MCU: variants seen among roughly 807,000 people sequenced by gnomAD.
MCU encodes the protein calcium uniporter protein, mitochondrial.
MCU carries 12 observed loss-of-function variants against 45.2 expected under a neutral mutation model. That is an observed-to-expected ratio of 0.27 (90% CI 0.17 to 0.43). MCU has a LOEUF of 0.43. Among genes scored for constraint, MCU ranks in the 20% least tolerant of loss-of-function variants. The pLI, the probability that MCU is intolerant of heterozygous loss-of-function variation, is 1.00. For missense variants in MCU, 324 were observed against 436.7 expected (o/e 0.74, Z 2.30); for synonymous variants, 160 against 165.1 (o/e 0.97, Z 0.24).
At chr10:72,711,045 G>A (rs964109258) in intron 1 of MCU, among the ~76,000 whole-genome samples, 1 of 151,870 alleles carries the variant, frequency 6.6e-6, no homozygotes, top group Non-Finnish European at 1.5e-5. Context: ...TGGGCATGGT[G>A]GTGGGCGCCT....
At chr10:72,741,158 G>C (rs1164997171) in intron 1 of MCU, among the ~76,000 whole-genome samples, 1 of 149,142 alleles carries the variant, frequency 6.7e-6, no homozygotes, top group East Asian at 2.0e-4. Context: ...GGAGTGCAGT[G>C]GCACGATCTC....
At chr10:72,740,568 T>G (rs1304299108) in intron 1 of MCU, among the ~76,000 whole-genome samples, 1 of 152,254 alleles carries the variant, frequency 6.6e-6, no homozygotes, top group East Asian at 1.9e-4. Context: ...ACAATGAAGC[T>G]TCAGAATTGT....
Position 72,807,373 on chromosome 10 carries a change from T to TA in MCU, c.151-26973dup, listed in dbSNP as rs879801803. 5.2e-3 allele frequency among the ~76,000 whole-genome samples: 747 copies of TA among 144,058 alleles called. 4 individuals carry two copies. Among genetic ancestry groups the TA allele is most frequent in the African/African-American group, 0.012 (477 of 39,550 alleles). 94.5% of individuals were successfully genotyped at this position (144,058 alleles called of 152,430 possible). A position where few individuals can be genotyped will look rare whatever the true frequency, so the allele number is the denominator to read the frequency against. On this transcript the variant is annotated intron_variant, in intron 1 of 7. Coordinates refer to ENST00000373053, the MANE Select transcript of MCU (RefSeq NM_138357.3). ...GCCAAGTGCACTTCTTCTGAAATCT[T>TA]AAAAAAAAAAAAAGTGACAGTGCTT... is the stretch of plus-strand genomic sequence containing the variant.
intron 7 of MCU, 30 bp from the exon 8 acceptor site, chr10:72,885,715 C>T (rs777928257): frequency 6.8e-7 from 1 of 1,467,160 alleles, no homozygotes. Context: ...CTTCACTAGC[C>T]AGTTTTCTCA....
At chr10:72,824,505 G>A (rs972616403) in intron 1 of MCU, among the ~76,000 whole-genome samples, 6 of 151,818 alleles carry the variant, frequency 4.0e-5, no homozygotes, top group African/African-American at 1.2e-4. Flanking sequence ...CACCGCGCCC[G>A]GCCCATGATG....
intron 1 of MCU, among the ~76,000 whole-genome samples, chr10:72,724,833 ATTGGGAAGGAGATGCCAGCCT>A (rs1160835233): frequency 3.3e-5 from 5 of 152,234 alleles, no homozygotes; most frequent in Non-Finnish European, 5.9e-5. Flanking sequence ...TAGATTTGTT[ATTGGGAAGGAGATGCCAGCCT>A]TTTCCCCAGT....
At chr10:72,871,025 C>T (rs1288116690) in intron 5 of MCU, among the ~76,000 whole-genome samples, 1 of 152,138 alleles carries the variant, frequency 6.6e-6, no homozygotes, top group Non-Finnish European at 1.5e-5. Flanking sequence ...CCCAGCCTCC[C>T]GATAGCTGGG....
intron 6 of MCU, among the ~76,000 whole-genome samples, chr10:72,872,120 C>A (rs1170608611): frequency 6.6e-6 from 1 of 152,078 alleles, no homozygotes; most frequent in Non-Finnish European, 1.5e-5. Context: ...TTACTTAATA[C>A]TCAAGTCTAT....
intron 1 of MCU, among the ~76,000 whole-genome samples, chr10:72,827,295 G>A (rs1564568262): frequency 6.6e-6 from 1 of 152,156 alleles, no homozygotes; most frequent in Non-Finnish European, 1.5e-5. Context: ...TTTTTGAAAA[G>A]TAATAGTGAA....
At chr10:72,770,040 GT>G (rs1244010523) in intron 1 of MCU, among the ~76,000 whole-genome samples, 4 of 151,324 alleles carry the variant, frequency 2.6e-5, no homozygotes, top group Middle Eastern at 6.8e-3. Context: ...TTCCTTTGTG[GT>G]TTTTTTTCTT....
At position 72,692,193 on chromosome 10, in the gene MCU, C is replaced by T. The variant is rs1016002038; in HGVS notation, c.42C>T (p.Ser14=). ...AAGRSLLLLL[S]SRGGGGGGAG... ...GTAGATCGCTCCTGCTGCTCCTCTC[C>T]TCTCGGGGCGGCGGCGGCGGGGGCG... Residue 14 remains serine (S), a synonymous_variant, in exon 1 of 8, where the codon TCC becomes TCT. Coordinates refer to ENST00000373053, the MANE Select transcript of MCU (RefSeq NM_138357.3). The T allele has an allele frequency of 1.3e-5, 17 of 1,270,958 alleles. No individual in the cohort carries two copies. The African/African-American group carries it at 2.3e-4, about 17-fold the overall frequency. 78.7% of individuals were successfully genotyped at this position (1,270,958 alleles called of 1,614,324 possible).
chr10:72,743,548 CTG>C (rs1843366902), intron 1 of MCU, among the ~76,000 whole-genome samples: 1 of 151,688 alleles, frequency 6.6e-6, no homozygotes, highest in Non-Finnish European at 1.5e-5. Context: ...ATATGAGGCA[CTG>C]TTTTAATTAT....
At chr10:72,810,666 T>TGTTTC (rs1219097328) in intron 1 of MCU, among the ~76,000 whole-genome samples, 38 of 151,698 alleles carry the variant, frequency 2.5e-4, no homozygotes, top group Non-Finnish European at 5.2e-4. Flanking sequence ...GTTGTTGTTT[T>TGTTTC]GTATTTTTAG....
chr10:72,883,118 G>A (rs1409902889), intron 6 of MCU, among the ~76,000 whole-genome samples: 1 of 152,134 alleles, frequency 6.6e-6, no homozygotes, highest in Non-Finnish European at 1.5e-5. Flanking sequence ...AAAGAAGCCA[G>A]ACACAAAAGG....
Position 72,871,782 on chromosome 10 carries a change from A to T in MCU, c.861+202A>T, listed in dbSNP as rs185381939. On this transcript the variant is annotated intron_variant, in intron 6 of 7. Coordinates refer to ENST00000373053, the MANE Select transcript of MCU (RefSeq NM_138357.3). Reference sequence around the variant, plus strand: ...GAGGTAGATATAAGACATGACTTCCACCCTCATGGAGCTCACAAACTATTA... The same window carrying T: ...GAGGTAGATATAAGACATGACTTCCTCCCTCATGGAGCTCACAAACTATTA... Among the ~76,000 whole-genome samples the T allele has an allele frequency of 6.6e-5, 10 of 152,274 alleles. No homozygotes were observed. In the East Asian group the frequency reaches 1.9e-3, roughly 29 times the overall value.
intron 1 of MCU, among the ~76,000 whole-genome samples, chr10:72,785,817 T>C (rs1057195575): frequency 6.6e-6 from 1 of 152,206 alleles, no homozygotes; most frequent in Non-Finnish European, 1.5e-5. Flanking sequence ...GTAGTAGAAA[T>C]GGATGAAGAA....
chr10:72,797,207 C>T (rs1172479069), intron 1 of MCU, among the ~76,000 whole-genome samples: 1 of 149,086 alleles, frequency 6.7e-6, no homozygotes, highest in South Asian at 2.1e-4. Context: ...TACTTTATAA[C>T]ATACTTTTAT....
At chr10:72,797,360 A>T (rs2132773476) in intron 1 of MCU, among the ~76,000 whole-genome samples, 1 of 150,322 alleles carries the variant, frequency 6.7e-6, no homozygotes, top group African/African-American at 2.5e-5. Context: ...AGTAGCTGGG[A>T]TTGCAGGTGT....
At chr10:72,795,453 C>A (rs1297317522) in intron 1 of MCU, among the ~76,000 whole-genome samples, 2 of 152,104 alleles carry the variant, frequency 1.3e-5, no homozygotes, top group African/African-American at 4.8e-5. Context: ...TCCATTAAAA[C>A]TGCTAAAAAT....
Sources: gnomAD v4.1 joint callset for allele counts (sites outside exome capture counted in the v4.1 genomes callset) on GRCh38, gnomAD v4.1.1 for gene constraint, MANE v1.5 for transcripts, NCBI Gene and HGNC (gene_info 2026-07-23, HGNC 2026-07-21) for gene names.